HOOK3: variants seen among roughly 807,000 people sequenced by gnomAD.
HOOK3 encodes the protein hook microtubule tethering protein 3, also known as protein Hook homolog 3.
HOOK3 carries 24 observed loss-of-function variants against 116.3 expected under a neutral mutation model. The observed-to-expected ratio is 0.21, with a 90% confidence interval of 0.15 to 0.29. The LOEUF is 0.29. Among genes scored for constraint, HOOK3 ranks in the 10% least tolerant of loss-of-function variants. The probability of loss-of-function intolerance (pLI) is 1.00; values close to 1 mark genes in which losing one functional copy is unlikely to be tolerated. For missense variants in HOOK3, 632 were observed against 830.2 expected (o/e 0.76, Z 2.93); for synonymous variants, 275 against 283.0 (o/e 0.97, Z 0.28).
At chr8:42,997,380 T>G (rs1226922266) in intron 15 of HOOK3, among the ~76,000 whole-genome samples, 170 bp from the exon 16 acceptor site, 1 of 152,210 alleles carries the variant, frequency 6.6e-6, no homozygotes, top group Non-Finnish European at 1.5e-5. Context: ...ATACCAAAAA[T>G]AATCAGAAAA....
At chr8:42,937,340 C>G (rs1314411371) in intron 4 of HOOK3, among the ~76,000 whole-genome samples, 1 of 146,822 alleles carries the variant, frequency 6.8e-6, no homozygotes, top group Non-Finnish European at 1.5e-5. Context: ...AAACCAGCTC[C>G]TGGATTCATT....
At chr8:42,900,006 A>C (rs1397830390) in intron 1 of HOOK3, among the ~76,000 whole-genome samples, 1 of 152,204 alleles carries the variant, frequency 6.6e-6, no homozygotes, top group Non-Finnish European at 1.5e-5. Flanking sequence ...TCAAGTACTT[A>C]AAGGGATGAT....
intron 4 of HOOK3, 114 bp downstream of exon 4, chr8:42,930,286 C>A: frequency 1.1e-6 from 1 of 931,928 alleles, no homozygotes; most frequent in Non-Finnish European, 1.5e-6. Context: ...GTTTGTCGTT[C>A]ATTTTATAGT....
Position 43,019,668 on chromosome 8 carries a change from A to G in HOOK3, c.*1170A>G, listed in dbSNP as rs567214359. 97 of 205,314 alleles carry G rather than the reference A, an allele frequency of 4.7e-4. No individual in the cohort carries two copies. Among genetic ancestry groups the G allele is most frequent in the Non-Finnish European group, 9.0e-4 (91 of 100,636 alleles). 12.7% of individuals were successfully genotyped at this position (205,314 alleles called of 1,614,324 possible). A position where few individuals can be genotyped will look rare whatever the true frequency, so the allele number is the denominator to read the frequency against. The stretch of plus-strand genomic sequence containing the variant: ...AACAGATTGTAAACCACATTTATTT[A>G]CATTGATGAATGGGCTGTTGAATAA... On this transcript the variant is annotated 3_prime_UTR_variant, in exon 22 of 22. Coordinates refer to ENST00000307602, the MANE Select transcript of HOOK3 (RefSeq NM_032410.4).
Position 43,022,441 on chromosome 8 carries a change from C to G in HOOK3, c.*3943C>G, listed in dbSNP as rs1044972132. On this transcript the variant is annotated 3_prime_UTR_variant, in exon 22 of 22. Transcript: ENST00000307602. ...GGTTGCTGTGTTGGGTTGGAGCACA[C>G]TGTCACCACAGTGTCTGAAGTCTTA... The G allele has an allele frequency of 2.5e-5, 5 of 201,464 alleles. No homozygotes were observed. The highest frequency in any genetic ancestry group is 1.1e-4 in the African/African-American group (5 of 43,506). The allele number at this position is 201,464 out of a possible 1,614,324, so 12.5% of individuals were successfully genotyped here.
At chr8:43,011,078 C>T (rs183062093) in intron 19 of HOOK3, among the ~76,000 whole-genome samples, 20 of 152,014 alleles carry the variant, frequency 1.3e-4, no homozygotes, top group African/African-American at 4.1e-4. Context: ...CTGCAAGCTC[C>T]GCCTCCCGGG....
At chr8:42,931,598 AT>A (rs533422403) in intron 4 of HOOK3, among the ~76,000 whole-genome samples, 1 of 148,934 alleles carries the variant, frequency 6.7e-6, no homozygotes, top group African/African-American at 2.5e-5. Context: ...TGCCCGGCTA[AT>A]TTTTTTGTAT....
chr8:42,913,467 G>A (rs550528161), intron 2 of HOOK3, among the ~76,000 whole-genome samples: 9 of 152,078 alleles, frequency 5.9e-5, no homozygotes, highest in Non-Finnish European at 1.2e-4. Context: ...TTAATACTTC[G>A]TACATTTCCC....
At position 43,025,818 on chromosome 8, in the gene HOOK3, T is replaced by C. The variant is rs999893005; in HGVS notation, c.*7320T>C. ...GGCTCAATTTTATGTCCTTCTTACT[T>C]ACACACAGTAGCCCCACACAGTTTT... On this transcript the variant is annotated 3_prime_UTR_variant, in exon 22 of 22. Coordinates refer to ENST00000307602, the MANE Select transcript of HOOK3 (RefSeq NM_032410.4). The C allele has an allele frequency of 1.9e-5, 4 of 210,680 alleles. 1 individual carries two copies. In the Admixed American group the frequency reaches 2.4e-4, roughly 12 times the overall value. 13.1% of individuals were successfully genotyped at this position (210,680 alleles called of 1,614,324 possible).
At chr8:42,940,352 C>T (rs527335334) in intron 4 of HOOK3, among the ~76,000 whole-genome samples, 4 of 152,226 alleles carry the variant, frequency 2.6e-5, no homozygotes, top group Non-Finnish European at 5.9e-5. Flanking sequence ...CGTGGCGGCG[C>T]GCGCCCGCAA....
In HOOK3 at chr8:43,025,036, T is replaced by C. The variant is rs777913885; in HGVS notation, c.*6538T>C. The C allele has an allele frequency of 1.4e-5, 3 of 207,540 alleles. No homozygotes were observed. Among genetic ancestry groups the C allele is most frequent in the African/African-American group, 2.3e-5 (1 of 43,944 alleles). 12.9% of individuals were successfully genotyped at this position (207,540 alleles called of 1,614,324 possible). ...AGAAACTTATAAAACATTTAATTCA[T>C]GTTGACTTAAAACATGGGCATCCTT... On this transcript the variant is annotated 3_prime_UTR_variant, in exon 22 of 22. Transcript: ENST00000307602.
chr8:42,969,387 A>C (rs1808687605), intron 11 of HOOK3, among the ~76,000 whole-genome samples: 1 of 152,188 alleles, frequency 6.6e-6, no homozygotes, highest in African/African-American at 2.4e-5. Flanking sequence ...ACACTTTGGG[A>C]GGCTGAGGCA....
chr8:42,918,383 C>G (rs1807572353), intron 2 of HOOK3, among the ~76,000 whole-genome samples: 1 of 151,958 alleles, frequency 6.6e-6, no homozygotes, highest in African/African-American at 2.4e-5. Flanking sequence ...TTCAATAATT[C>G]TAGCAGTAGC....
chr8:42,901,436 G>A (rs1807186522), intron 1 of HOOK3, among the ~76,000 whole-genome samples: 2 of 152,124 alleles, frequency 1.3e-5, no homozygotes, highest in Admixed American at 6.5e-5. Flanking sequence ...TCCTTTTAAA[G>A]TGTATAATTT....
chr8:42,961,193 A>G (rs1018637855), intron 8 of HOOK3, among the ~76,000 whole-genome samples: 1 of 152,188 alleles, frequency 6.6e-6, no homozygotes, highest in Admixed American at 6.5e-5. Context: ...CACCTCCAAC[A>G]TTTGGGACTA....
At chr8:43,004,662 C>T (rs144303021) in intron 17 of HOOK3, among the ~76,000 whole-genome samples, 10 of 131,208 alleles carry the variant, frequency 7.6e-5, no homozygotes, top group African/African-American at 2.9e-4. Context: ...GCCTGGGAGG[C>T]AGAGCAAGAC....
intron 15 of HOOK3, among the ~76,000 whole-genome samples, chr8:42,992,619 G>A (rs1809187323): frequency 6.7e-6 from 1 of 150,374 alleles, no homozygotes; most frequent in Non-Finnish European, 1.5e-5. Flanking sequence ...AGAGGGCTGA[G>A]GCAGGAGAAT....
intron 11 of HOOK3, among the ~76,000 whole-genome samples, chr8:42,973,023 A>C (rs1327191684): frequency 6.6e-6 from 1 of 152,174 alleles, no homozygotes; most frequent in African/African-American, 2.4e-5. Flanking sequence ...ATTTCAGACT[A>C]CCTGGTTATC....
At chr8:43,000,004 C>G (rs1440505885) in intron 16 of HOOK3, among the ~76,000 whole-genome samples, 5 of 151,974 alleles carry the variant, frequency 3.3e-5, no homozygotes, top group African/African-American at 9.7e-5. Context: ...AAAAATTAGC[C>G]AGGCATGGTG....
Sources: gnomAD v4.1 joint callset for allele counts (sites outside exome capture counted in the v4.1 genomes callset) on GRCh38, gnomAD v4.1.1 for gene constraint, MANE v1.5 for transcripts, NCBI Gene and HGNC (gene_info 2026-07-23, HGNC 2026-07-21) for gene names.